IQCM: variants seen among roughly 807,000 people sequenced by gnomAD.
IQCM encodes IQ motif containing M, also known as IQ domain-containing protein M.
In IQCM, 45 loss-of-function variants were observed where a neutral mutation model predicts 57.6. The ratio of observed to expected loss-of-function variants is 0.78; its 90% CI spans 0.62 to 1.00. The LOEUF is 1.00. Ranked by LOEUF, IQCM falls within the 50% of genes least tolerant of loss-of-function variation. The pLI, the probability that IQCM is intolerant of heterozygous loss-of-function variation, is 0.00. For synonymous variants in IQCM, 148 were observed against 158.9 expected, an observed-to-expected ratio of 0.93 and a Z score of 0.51; for missense variants, 468 against 511.6, an observed-to-expected ratio of 0.91 and a Z score of 0.82.
intron 7 of IQCM, among the ~76,000 whole-genome samples, chr4:149,655,706 A>G (rs2150142605): frequency 6.6e-6 from 1 of 152,264 alleles, no homozygotes; most frequent in African/African-American, 2.4e-5. Context: ...CAATTCCAAA[A>G]AATATGTAAA....
intron 7 of IQCM, among the ~76,000 whole-genome samples, chr4:149,642,273 A>T (rs1272059804): frequency 6.6e-6 from 1 of 152,192 alleles, no homozygotes; most frequent in Non-Finnish European, 1.5e-5. Context: ...TAAAAGATTC[A>T]TATATATGAA....
chr4:149,467,481 T>C (rs1052949906), intron 12 of IQCM, among the ~76,000 whole-genome samples: 4 of 152,302 alleles, frequency 2.6e-5, no homozygotes, highest in African/African-American at 9.6e-5. Flanking sequence ...AGACAATAAA[T>C]AACATGATAA....
At chr4:149,542,526 C>A (rs1686402487) in intron 12 of IQCM, among the ~76,000 whole-genome samples, 1 of 151,996 alleles carries the variant, frequency 6.6e-6, no homozygotes, top group African/African-American at 2.4e-5. Context: ...TTAGAAAAGT[C>A]TCTTTCTAAG....
At chr4:149,589,267 G>A (rs532888875) in intron 8 of IQCM, among the ~76,000 whole-genome samples, 66 of 152,044 alleles carry the variant, frequency 4.3e-4, no homozygotes, top group South Asian at 2.1e-3. Flanking sequence ...TCCCTCAGGC[G>A]CTCTAAGAAG....
chr4:149,726,545 G>C (rs763837914), intron 5 of IQCM, among the ~76,000 whole-genome samples: 3 of 152,076 alleles, frequency 2.0e-5, no homozygotes, highest in Non-Finnish European at 2.9e-5. Flanking sequence ...TCAGGGCTCA[G>C]TTCTTGGATT....
At chr4:149,373,307 C>G (rs1481045577) in intron 13 of IQCM, among the ~76,000 whole-genome samples, 1 of 152,080 alleles carries the variant, frequency 6.6e-6, no homozygotes, top group Non-Finnish European at 1.5e-5. Context: ...CTAGTAAACT[C>G]CATGACTGGA....
chr4:149,804,548 T>C (rs1310174857), intron 2 of IQCM, among the ~76,000 whole-genome samples: 1 of 152,048 alleles, frequency 6.6e-6, no homozygotes, highest in Non-Finnish European at 1.5e-5. Context: ...TTTGTTCAGC[T>C]TTTTTCTTGT....
At chr4:149,649,595 C>T (rs1758970109) in intron 7 of IQCM, among the ~76,000 whole-genome samples, 1 of 152,054 alleles carries the variant, frequency 6.6e-6, no homozygotes, top group Non-Finnish European at 1.5e-5. Flanking sequence ...AATATTACCA[C>T]CTACCCATTA....
chr4:149,645,093 T>G (rs1251497842), intron 7 of IQCM, among the ~76,000 whole-genome samples: 1 of 152,200 alleles, frequency 6.6e-6, no homozygotes, highest in Non-Finnish European at 1.5e-5. Context: ...TTTCTTCATT[T>G]TAAAACTCCT....
rs902571060 is a variant in IQCM at position 149,585,218 on chromosome 4, T to C, written c.749+2712A>G. On this transcript the variant is annotated intron_variant, in intron 9 of 13. Coordinates refer to ENST00000636793, the MANE Select transcript of IQCM (RefSeq NM_001363507.2). ...CAAAAGTACTTTAGAAATTAGCCAG[T>C]ACTTTATTGAAGTTGACTGATGACT... Among the ~76,000 whole-genome samples the C allele has an allele frequency of 7.9e-5, 12 of 151,736 alleles. No individual in the cohort carries two copies. The South Asian group carries it at 8.3e-4, about 10-fold the overall frequency.
At chr4:149,362,177 A>G (rs1420063849) in intron 13 of IQCM, among the ~76,000 whole-genome samples, 1 of 152,130 alleles carries the variant, frequency 6.6e-6, no homozygotes, top group Non-Finnish European at 1.5e-5. Context: ...CATTGTATCT[A>G]GGGAGTAACT....
At chr4:149,569,911 T>G (rs998421710) in intron 9 of IQCM, among the ~76,000 whole-genome samples, 1 of 152,116 alleles carries the variant, frequency 6.6e-6, no homozygotes, top group African/African-American at 2.4e-5. Context: ...TAATAAAATA[T>G]GAGAAAGCTT....
intron 2 of IQCM, among the ~76,000 whole-genome samples, chr4:149,770,768 A>T (rs1770496108): frequency 6.6e-6 from 1 of 152,076 alleles, no homozygotes; most frequent in Non-Finnish European, 1.5e-5. Flanking sequence ...CCATGAATAG[A>T]ATTTTCTGAA....
intron 3 of IQCM, among the ~76,000 whole-genome samples, chr4:149,736,290 C>T (rs1416918867): frequency 6.6e-6 from 1 of 152,146 alleles, no homozygotes; most frequent in Non-Finnish European, 1.5e-5. Context: ...GTATACAATT[C>T]TACAGCATGT....
chr4:149,517,185 G>A (rs1265592659), intron 12 of IQCM, among the ~76,000 whole-genome samples: 2 of 151,482 alleles, frequency 1.3e-5, no homozygotes, highest in African/African-American at 2.4e-5. Context: ...TACAGAATGG[G>A]TAGTAGAAGA....
intron 10 of IQCM, among the ~76,000 whole-genome samples, chr4:149,561,670 A>G (rs1750133290): frequency 1.3e-5 from 2 of 152,196 alleles, no homozygotes; most frequent in Admixed American, 1.3e-4. Context: ...AGAGATAAAC[A>G]AGAAAAAATA....
At chr4:149,513,690 C>G (rs1045656708) in intron 12 of IQCM, among the ~76,000 whole-genome samples, 7 of 151,972 alleles carry the variant, frequency 4.6e-5, no homozygotes, top group African/African-American at 1.7e-4. Context: ...ATACTAAGAG[C>G]CTTTTGGGAG....
intron 5 of IQCM, among the ~76,000 whole-genome samples, chr4:149,700,408 C>T: frequency 6.6e-6 from 1 of 151,848 alleles, no homozygotes. Flanking sequence ...AGGTCACCCC[C>T]CCACACATAC....
intron 13 of IQCM, among the ~76,000 whole-genome samples, chr4:149,431,755 C>T (rs952845874): frequency 4.6e-5 from 7 of 151,942 alleles, no homozygotes; most frequent in Non-Finnish European, 1.0e-4. Flanking sequence ...GGGACTCTGG[C>T]TTCTTTCACT....
Sources: allele counts gnomAD v4.1 joint callset (sites outside exome capture counted in the v4.1 genomes callset), GRCh38; gene constraint gnomAD v4.1.1; transcripts MANE v1.5; gene names NCBI Gene and HGNC (gene_info 2026-07-23, HGNC 2026-07-21).